Variants in SNX6 observed in about 807,000 individuals in gnomAD.
The protein encoded by SNX6 is sorting nexin-6.
In SNX6, 34 loss-of-function variants were observed where a neutral mutation model predicts 63.0. The observed-to-expected ratio is 0.54, with a 90% CI of 0.41 to 0.72. The LOEUF (loss-of-function observed/expected upper bound fraction) is 0.72. Ranked by LOEUF, SNX6 falls within the 30% of genes least tolerant of loss-of-function variation. SNX6 has a pLI of 0.00. For synonymous variants in SNX6, 170 were observed against 164.2 expected, an observed-to-expected ratio of 1.04 and a Z score of -0.27; for missense variants, 398 against 471.4, an observed-to-expected ratio of 0.84 and a Z score of 1.44.
chr14:34,587,789 G>T (rs1258141748), intron 8 of SNX6, among the ~76,000 whole-genome samples: 18 of 145,760 alleles, frequency 1.2e-4, no homozygotes, highest in Non-Finnish European at 2.1e-4. Context: ...ATGCCACCAC[G>T]GTTGGCTAAT....
chr14:34,582,582 G>A (rs1046418972), intron 9 of SNX6, among the ~76,000 whole-genome samples: 3 of 151,886 alleles, frequency 2.0e-5, no homozygotes, highest in Admixed American at 1.3e-4. Context: ...ACTGAATCTC[G>A]CTTTCTTGCC....
At chr14:34,564,961 C>T (rs1172656284) in intron 13 of SNX6, among the ~76,000 whole-genome samples, 1 of 151,810 alleles carries the variant, frequency 6.6e-6, no homozygotes, top group Non-Finnish European at 1.5e-5. Flanking sequence ...CATTATGCTA[C>T]TACATAAAAG....
intron 13 of SNX6, among the ~76,000 whole-genome samples, chr14:34,564,566 G>A (rs1013623476): frequency 6.6e-6 from 1 of 152,032 alleles, no homozygotes; most frequent in African/African-American, 2.4e-5. Context: ...GGTGGTTCAC[G>A]CCTGCAATCC....
intron 6 of SNX6, among the ~76,000 whole-genome samples, chr14:34,598,129 T>C (rs1381424766): frequency 6.6e-6 from 1 of 152,146 alleles, no homozygotes; most frequent in Non-Finnish European, 1.5e-5. Flanking sequence ...ATCTGGCTTT[T>C]GGGGTCAGCA....
intron 2 of SNX6, among the ~76,000 whole-genome samples, chr14:34,627,968 G>C (rs967690356): frequency 6.6e-6 from 1 of 152,162 alleles, no homozygotes; most frequent in Non-Finnish European, 1.5e-5. Flanking sequence ...TGATGCTTTT[G>C]CTCTAACCTG....
chr14:34,567,724 A>T lies in SNX6; in HGVS notation c.1129T>A (p.Leu377Ile), dbSNP rs768089111. Residue 377 changes from leucine to isoleucine, a missense_variant, in exon 13 of 14, where the codon TTA (leucine) becomes ATA (isoleucine). Coordinates refer to ENST00000362031, the MANE Select transcript of SNX6 (RefSeq NM_152233.4). ...TRRVAAFRKN[L>I]VELAELELKH... ...AGTTCTAACTCTGCCAGTTCCACTA[A>T]ATTTTTTCTGAATGCAGCAACTCTT... is the stretch of plus-strand genomic sequence containing the variant. The T allele has an allele frequency of 6.2e-7, 1 of 1,613,954 alleles. No homozygotes were observed. Among genetic ancestry groups the T allele is most frequent in the Non-Finnish European group, 8.5e-7 (1 of 1,179,886 alleles).
At chr14:34,624,492 C>T (rs1009524534) in intron 2 of SNX6, among the ~76,000 whole-genome samples, 4 of 152,122 alleles carry the variant, frequency 2.6e-5, no homozygotes, top group African/African-American at 9.7e-5. Context: ...TTTTAAAACA[C>T]TGACTTTAAT....
intron 1 of SNX6, 33 bp downstream of exon 1, chr14:34,630,078 C>T (rs1419107343): frequency 6.9e-7 from 1 of 1,453,686 alleles, no homozygotes; most frequent in Non-Finnish European, 9.0e-7. Flanking sequence ...CCCCACCGCG[C>T]TCCCGGGACT....
chr14:34,600,442 TC>T (rs1226139904), intron 6 of SNX6, among the ~76,000 whole-genome samples: 4 of 150,146 alleles, frequency 2.7e-5, no homozygotes, highest in African/African-American at 9.8e-5. Context: ...TTCTTCTTCT[TC>T]TTTTTTTTTT....
intron 7 of SNX6, among the ~76,000 whole-genome samples, chr14:34,597,135 ACATTGCACACTGT>A (rs1460222485): frequency 6.6e-6 from 1 of 152,198 alleles, no homozygotes; most frequent in African/African-American, 2.4e-5. Context: ...TGGACATTCC[ACATTGCACACTGT>A]CCCTCCCCTC....
At chr14:34,613,567 T>C (rs562320212) in intron 2 of SNX6, among the ~76,000 whole-genome samples, 1 of 150,750 alleles carries the variant, frequency 6.6e-6, no homozygotes, top group Non-Finnish European at 1.5e-5. Flanking sequence ...CTGAGGCGGG[T>C]GAATCACGAG....
At position 34,605,359 on chromosome 14, in the gene SNX6, G is replaced by A. The variant is rs140883628; in HGVS notation, c.392+237C>T. 1.9e-5 allele frequency: 5 copies of A among 270,174 alleles called. No individual in the cohort carries two copies. In the East Asian group the frequency reaches 3.6e-4, roughly 19 times the overall value. The allele number at this position is 270,174 out of a possible 1,614,324, so 16.7% of individuals were successfully genotyped here. A position where few individuals can be genotyped will look rare whatever the true frequency, so the allele number is the denominator to read the frequency against. ...TTGGATCTTCCATTTTCAACTTTCAGGGTCTATTTCAAATATGAATTTAAA... is the reference window on the plus strand; with the variant it reads ...TTGGATCTTCCATTTTCAACTTTCAAGGTCTATTTCAAATATGAATTTAAA... On this transcript the variant is annotated intron_variant, in intron 5 of 13. Transcript: ENST00000362031.
chr14:34,582,977 C>T (rs1285749017), intron 9 of SNX6, among the ~76,000 whole-genome samples: 5 of 151,874 alleles, frequency 3.3e-5, no homozygotes, highest in Non-Finnish European at 5.9e-5. Context: ...TAGTGGGGCA[C>T]GATGGTGCAA....
At chr14:34,591,104 C>T (rs935439428) in intron 8 of SNX6, among the ~76,000 whole-genome samples, 4 of 152,004 alleles carry the variant, frequency 2.6e-5, no homozygotes, top group African/African-American at 4.8e-5. Flanking sequence ...CACAAGAAAA[C>T]TTTGGGGGTG....
intron 9 of SNX6, among the ~76,000 whole-genome samples, chr14:34,584,433 C>G (rs895402936): frequency 2.0e-5 from 3 of 151,412 alleles, no homozygotes; most frequent in Admixed American, 6.6e-5. Context: ...TCTCAAGTAG[C>G]AGGGATTACA....
At chr14:34,576,303 A>G (rs1881698792) in intron 10 of SNX6, among the ~76,000 whole-genome samples, 1 of 151,938 alleles carries the variant, frequency 6.6e-6, no homozygotes, top group South Asian at 2.1e-4. Flanking sequence ...TTTTAACTAT[A>G]GTATCCATTC....
chr14:34,624,245 C>T (rs1031568415), intron 2 of SNX6, among the ~76,000 whole-genome samples: 79 of 152,078 alleles, frequency 5.2e-4, no homozygotes, highest in Admixed American at 4.7e-3. Context: ...GGATTACAGG[C>T]ACCAGCCATC....
intron 2 of SNX6, among the ~76,000 whole-genome samples, chr14:34,614,273 G>A (rs1469454181): frequency 1.3e-5 from 2 of 151,210 alleles, no homozygotes; most frequent in Non-Finnish European, 2.9e-5. Flanking sequence ...AAAAAAAACC[G>A]AAAACAATAA....
chr14:34,613,639 A>G (rs978776160), intron 2 of SNX6, among the ~76,000 whole-genome samples: 1 of 151,702 alleles, frequency 6.6e-6, no homozygotes, highest in African/African-American at 2.4e-5. Context: ...AAAAATACAA[A>G]AAAATTAGCC....
Sources: gnomAD v4.1 joint callset for allele counts (sites outside exome capture counted in the v4.1 genomes callset) on GRCh38, gnomAD v4.1.1 for gene constraint, MANE v1.5 for transcripts, NCBI Gene and HGNC (gene_info 2026-07-23, HGNC 2026-07-21) for gene names.